Variants in CNTNAP5 observed in about 807,000 individuals in gnomAD.
CNTNAP5 encodes the protein contactin associated protein family member 5.
CNTNAP5 carries 72 observed loss-of-function variants against 150.2 expected under a neutral mutation model. The observed-to-expected ratio is 0.48, with a 90% CI of 0.40 to 0.58. CNTNAP5 has a LOEUF of 0.58. Ranked by LOEUF, CNTNAP5 falls within the 20% of genes least tolerant of loss-of-function variation. The probability of loss-of-function intolerance (pLI) is 0.00; values close to 1 mark genes in which losing one functional copy is unlikely to be tolerated. For missense variants in CNTNAP5, 1,636 were observed against 1,626.2 expected (o/e 1.01, Z -0.10); for synonymous variants, 672 against 619.8 (o/e 1.08, Z -1.25).
chr2:124,359,593 G>C (rs1320427824), intron 3 of CNTNAP5, among the ~76,000 whole-genome samples: 7 of 137,768 alleles, frequency 5.1e-5, no homozygotes, highest in African/African-American at 1.4e-4. Flanking sequence ...AGGTTGTTCA[G>C]TTTCCATGTA....
At chr2:124,273,818 T>A (rs1687818024) in intron 3 of CNTNAP5, among the ~76,000 whole-genome samples, 1 of 152,196 alleles carries the variant, frequency 6.6e-6, no homozygotes. Context: ...TTCTCTTCCC[T>A]ATAACTTTAT....
rs891978650 is a variant in CNTNAP5 at position 124,524,181 on chromosome 2, C to A, written c.1328-122C>A. ...AATCTTCCAAGGGCTTGTATCCAGC[C>A]GAGTGAGGAGTGGGTTTGCTCTGAG... On this transcript the variant is annotated intron_variant, in intron 8 of 23. Coordinates refer to ENST00000682447, the MANE Select transcript of CNTNAP5 (RefSeq NM_001367498.1). 5.9e-6 allele frequency: 5 copies of A among 845,406 alleles called. No homozygotes were observed. The East Asian group carries it at 1.0e-4, about 17-fold the overall frequency. The allele number at this position is 845,406 out of a possible 1,614,324, so 52.4% of individuals were successfully genotyped here.
At chr2:124,412,632 G>T (rs1460448100) in intron 3 of CNTNAP5, among the ~76,000 whole-genome samples, 3 of 143,970 alleles carry the variant, frequency 2.1e-5, no homozygotes, top group African/African-American at 8.1e-5. Flanking sequence ...AATGGGGAAA[G>T]GATTCCCTAT....
In CNTNAP5 at chr2:124,504,420, A is replaced by C. The variant is rs923945480; in HGVS notation, c.1191A>C (p.Arg397=). 9 of 1,613,742 alleles carry C rather than the reference A, an allele frequency of 5.6e-6. No individual in the cohort carries two copies. The highest frequency in any genetic ancestry group is 1.3e-5 in the African/African-American group (1 of 74,908). Residue 397 remains arginine (R), a synonymous_variant, in exon 8 of 24, where the codon CGA becomes CGC. Coordinates refer to ENST00000682447, the MANE Select transcript of CNTNAP5 (RefSeq NM_001367498.1). ...GGCTCTCAGTGAGTTTCCAGTTTCG[A>C]ACATGGAACAAGGATGGTCTGCTTC... is the stretch of plus-strand genomic sequence containing the variant. The part of the protein sequence containing the change: ...IDGLSVSFQF[R]TWNKDGLLLS...
rs12328962 is a variant in CNTNAP5 at position 124,146,069 on chromosome 2, G to A, written c.83-75636G>A. Among the ~76,000 whole-genome samples the A allele has an allele frequency of 2.1e-3, 316 of 152,218 alleles. 4 individuals carry two copies. Among genetic ancestry groups the A allele is most frequent in the African/African-American group, 7.2e-3 (297 of 41,530 alleles). The stretch of plus-strand genomic sequence containing the variant: ...CAGAAGAGCCCACTTAAAGCAGATA[G>A]GACAAAGGTCACCATACCTGCTAAC... On this transcript the variant is annotated intron_variant, in intron 1 of 23. Coordinates refer to ENST00000682447, the MANE Select transcript of CNTNAP5 (RefSeq NM_001367498.1).
intron 1 of CNTNAP5, among the ~76,000 whole-genome samples, chr2:124,212,933 G>C (rs1686056490): frequency 6.9e-6 from 1 of 144,638 alleles, no homozygotes; most frequent in Non-Finnish European, 1.5e-5. Flanking sequence ...CCGCCTGCCG[G>C]ATTCATGCCA....
At chr2:124,499,940 C>G (rs1694238534) in intron 7 of CNTNAP5, among the ~76,000 whole-genome samples, 2 of 152,000 alleles carry the variant, frequency 1.3e-5, no homozygotes, top group South Asian at 4.1e-4. Flanking sequence ...GATCTGCAGA[C>G]CCAGGAAAGT....
chr2:124,217,127 C>T (rs566671272), intron 1 of CNTNAP5, among the ~76,000 whole-genome samples: 1 of 152,268 alleles, frequency 6.6e-6, no homozygotes, highest in Admixed American at 6.5e-5. Flanking sequence ...AAATTTGGTT[C>T]ATTCTTGGAA....
intron 21 of CNTNAP5, among the ~76,000 whole-genome samples, chr2:124,896,434 A>AGCCTTTCTT (rs1260438650): frequency 1.3e-5 from 2 of 151,630 alleles, no homozygotes; most frequent in African/African-American, 4.9e-5. Flanking sequence ...TGAAGTCTTG[A>AGCCTTTCTT]AAAGGACAGC....
chr2:124,174,946 C>T (rs1243315450), intron 1 of CNTNAP5, among the ~76,000 whole-genome samples: 2 of 152,198 alleles, frequency 1.3e-5, no homozygotes, highest in African/African-American at 2.4e-5. Context: ...GACCCTCCAC[C>T]AGCAAAAACG....
At position 124,865,508 on chromosome 2, in the gene CNTNAP5, C is replaced by A. The variant is rs1573672538; in HGVS notation, c.3348+72C>A. On this transcript the variant is annotated intron_variant, in intron 20 of 23. Coordinates refer to ENST00000682447, the MANE Select transcript of CNTNAP5 (RefSeq NM_001367498.1). Reference sequence around the variant, plus strand: ...TCTATCAAACTTTTCTAAGCTTCTACCCCATGCCAGTGTAGTGCCTAGTGC... The same window carrying A: ...TCTATCAAACTTTTCTAAGCTTCTAACCCATGCCAGTGTAGTGCCTAGTGC... The A allele has an allele frequency of 4.2e-6, 6 of 1,419,596 alleles. No homozygotes were observed. In the East Asian group the frequency reaches 1.2e-4, roughly 30 times the overall value. 87.9% of individuals were successfully genotyped at this position (1,419,596 alleles called of 1,614,324 possible).
chr2:124,175,273 C>G (rs2165078), intron 1 of CNTNAP5, among the ~76,000 whole-genome samples: 64,129 of 151,656 alleles, frequency 0.42, 14,105 homozygotes, highest in East Asian at 0.6. Flanking sequence ...AATTTAGCAC[C>G]CTACTTTTGT....
intron 1 of CNTNAP5, among the ~76,000 whole-genome samples, chr2:124,102,652 T>G (rs2104698027): frequency 6.6e-6 from 1 of 152,300 alleles, no homozygotes; most frequent in East Asian, 1.9e-4. Flanking sequence ...CGTGCTCCAG[T>G]TCCAATAAAG....
At chr2:124,405,102 A>G (rs912441046) in intron 3 of CNTNAP5, among the ~76,000 whole-genome samples, 2 of 152,164 alleles carry the variant, frequency 1.3e-5, no homozygotes, top group African/African-American at 4.8e-5. Flanking sequence ...TGCATATAAT[A>G]TCATTCAGAA....
intron 12 of CNTNAP5, among the ~76,000 whole-genome samples, chr2:124,640,564 A>G (rs540725968): frequency 2.7e-4 from 41 of 152,256 alleles, no homozygotes; most frequent in African/African-American, 8.9e-4. Flanking sequence ...TCTCGCACAG[A>G]CAGCTGGGCT....
intron 7 of CNTNAP5, among the ~76,000 whole-genome samples, chr2:124,475,371 T>C (rs1693616195): frequency 6.6e-6 from 1 of 152,118 alleles, no homozygotes; most frequent in Non-Finnish European, 1.5e-5. Flanking sequence ...TCTAATTAAG[T>C]AACATTTGTC....
intron 16 of CNTNAP5, among the ~76,000 whole-genome samples, chr2:124,772,239 A>G (rs139512992): frequency 6.6e-6 from 1 of 152,352 alleles, no homozygotes; most frequent in East Asian, 1.9e-4. Flanking sequence ...GAATAATGGA[A>G]GGAGTCCCAT....
chr2:124,536,988 G>T (rs1057388975), intron 10 of CNTNAP5, among the ~76,000 whole-genome samples: 2 of 151,912 alleles, frequency 1.3e-5, no homozygotes, highest in African/African-American at 4.8e-5. Context: ...TTAAATAATG[G>T]TTACTGTGGG....
chr2:124,832,109 T>C (rs959677388), intron 19 of CNTNAP5, among the ~76,000 whole-genome samples: 3 of 152,096 alleles, frequency 2.0e-5, no homozygotes, highest in African/African-American at 7.2e-5. Context: ...ACCTGCCACC[T>C]TAAAATATCT....
Sources: allele counts gnomAD v4.1 joint callset (sites outside exome capture counted in the v4.1 genomes callset), GRCh38; gene constraint gnomAD v4.1.1; transcripts MANE v1.5; gene names NCBI Gene and HGNC (gene_info 2026-07-23, HGNC 2026-07-21).